GBF1: variants seen among roughly 807,000 people sequenced by gnomAD.
The protein encoded by GBF1 is golgi brefeldin A resistant guanine nucleotide exchange factor 1.
Under a neutral mutation model 210.5 loss-of-function variants are expected in GBF1, and 114 were observed. That is an observed-to-expected ratio of 0.54 (90% CI 0.47 to 0.63). The LOEUF (loss-of-function observed/expected upper bound fraction) is 0.63. Ranked by LOEUF, GBF1 falls within the 30% of genes least tolerant of loss-of-function variation. The probability of loss-of-function intolerance (pLI) is 0.00; values close to 1 mark genes in which losing one functional copy is unlikely to be tolerated. For missense variants in GBF1, 1,851 were observed against 2,357.7 expected, an observed-to-expected ratio of 0.79 and a Z score of 4.45; for synonymous variants, 850 against 889.2, an observed-to-expected ratio of 0.96 and a Z score of 0.78.
At chr10:102,289,038 G>GGTTA (rs2076220279) in intron 3 of GBF1, among the ~76,000 whole-genome samples, 1 of 151,364 alleles carries the variant, frequency 6.6e-6, no homozygotes, top group Admixed American at 6.6e-5. Context: ...AGGAAGCAGA[G>GGTTA]GTTACAGTGA....
intron 3 of GBF1, among the ~76,000 whole-genome samples, chr10:102,275,823 A>G (rs899233116): frequency 6.6e-6 from 1 of 152,250 alleles, no homozygotes; most frequent in South Asian, 2.1e-4. Context: ...GGACAGAAGC[A>G]TTGTAGGGAA....
In GBF1 at chr10:102,379,502, A is replaced by G; in HGVS notation, c.4646-19A>G. 1 of 1,613,978 alleles carries G rather than the reference A, an allele frequency of 6.2e-7. No individual in the cohort carries two copies. The highest frequency in any genetic ancestry group is 8.5e-7 in the Non-Finnish European group (1 of 1,179,978). The stretch of plus-strand genomic sequence containing the variant: ...GGATCAAGATGCCTGAAGGATCCTG[A>G]CCCTGCTCTTGCTCTCAGGTATTGC... On this transcript the variant is annotated intron_variant, in intron 34 of 39. Transcript: ENST00000369983.
intron 3 of GBF1, among the ~76,000 whole-genome samples, chr10:102,326,546 C>T (rs1027959007): frequency 2.0e-5 from 3 of 152,084 alleles, no homozygotes; most frequent in Admixed American, 2.0e-4. Flanking sequence ...GTATAATTAA[C>T]ATACAATAAA....
intron 3 of GBF1, among the ~76,000 whole-genome samples, chr10:102,327,028 C>T (rs1451293021): frequency 6.6e-6 from 1 of 152,118 alleles, no homozygotes; most frequent in Non-Finnish European, 1.5e-5. Context: ...TTAAATGTAC[C>T]ACGTCACAGC....
chr10:102,268,809 A>T, intron 3 of GBF1, among the ~76,000 whole-genome samples: 1 of 152,150 alleles, frequency 6.6e-6, no homozygotes, highest in East Asian at 1.9e-4. Context: ...TTCTGAAGTG[A>T]TAGTGGATAT....
At chr10:102,323,259 AAAG>A (rs905210599) in intron 3 of GBF1, among the ~76,000 whole-genome samples, 135 of 151,092 alleles carry the variant, frequency 8.9e-4, no homozygotes, top group South Asian at 5.9e-3. Context: ...AAAAAAAAAA[AAAG>A]AAGAAGAAGA....
At chr10:102,315,029 C>T (rs1036194825) in intron 3 of GBF1, among the ~76,000 whole-genome samples, 1 of 152,232 alleles carries the variant, frequency 6.6e-6, no homozygotes, top group African/African-American at 2.4e-5. Context: ...CCAACAGCCA[C>T]TGGTCACATA....
At position 102,362,578 on chromosome 10, in the gene GBF1, T is replaced by C; in HGVS notation, c.1790T>C (p.Val597Ala). ...DSTEAHCQAK[V>A]LNSLTQQEKK... ...ACCGAGGCCCACTGCCAGGCTAAAG[T>C]CCTCAACAGCCTCACCCAGCAAGAG... The change falls in exon 15 of 40, where the codon GTC (valine) becomes GCC (alanine). Residue 597 changes from valine to alanine, a missense_variant. This residue lies in a region of GBF1 where 804 missense variants were observed against 958.6 expected (regional missense o/e 0.84). Transcript: ENST00000369983. 6.2e-7 allele frequency: 1 copy of C among 1,614,090 alleles called. No homozygotes were observed. The highest frequency in any genetic ancestry group is 8.5e-7 in the Non-Finnish European group (1 of 1,179,974).
At chr10:102,323,921 T>G (rs1269823054) in intron 3 of GBF1, among the ~76,000 whole-genome samples, 2 of 152,126 alleles carry the variant, frequency 1.3e-5, no homozygotes, top group Non-Finnish European at 2.9e-5. Flanking sequence ...TTGGCCCTGT[T>G]CTTCTGAACC....
intron 3 of GBF1, among the ~76,000 whole-genome samples, chr10:102,262,489 T>C (rs1163316915): frequency 2.6e-5 from 4 of 152,220 alleles, no homozygotes; most frequent in African/African-American, 9.7e-5. Context: ...CAAGTTAATA[T>C]AATTGGAAAC....
At chr10:102,241,080 C>T (rs149691625), upstream of GBF1, among the ~76,000 whole-genome samples, 598 of 152,264 alleles carry the variant, frequency 3.9e-3, 3 homozygotes, top group Admixed American at 9.9e-3. This position sits in a 1 kb window ranked among gnomAD's most constrained non-coding sequence, Gnocchi z 6.7. Flanking sequence ...CTCGCGAAGC[C>T]CCTATCCTGG....
At chr10:102,337,013 T>C (rs901052608) in intron 3 of GBF1, among the ~76,000 whole-genome samples, 1 of 152,138 alleles carries the variant, frequency 6.6e-6, no homozygotes, top group Non-Finnish European at 1.5e-5. Flanking sequence ...TGTATGTTGA[T>C]TCTAGTAATA....
intron 8 of GBF1, among the ~76,000 whole-genome samples, chr10:102,354,196 T>C (rs775919881): frequency 3.3e-5 from 5 of 152,214 alleles, no homozygotes; most frequent in Non-Finnish European, 7.3e-5. Context: ...CTGATGAGGA[T>C]TCCGCTTGCA....
At chr10:102,244,361 T>A (rs1326779367), upstream of GBF1, among the ~76,000 whole-genome samples, 1 of 152,106 alleles carries the variant, frequency 6.6e-6, no homozygotes, top group Admixed American at 6.5e-5. Context: ...ACACTGGGGC[T>A]CTAGTGTCCC....
At chr10:102,332,079 C>T (rs570821809) in intron 3 of GBF1, among the ~76,000 whole-genome samples, 176 of 151,900 alleles carry the variant, frequency 1.2e-3, no homozygotes, top group African/African-American at 3.6e-3. Flanking sequence ...AGGCTGGTTT[C>T]GAACTCCTGA....
chr10:102,316,084 C>CTTTTT (rs912378779), intron 3 of GBF1, among the ~76,000 whole-genome samples: 1 of 133,110 alleles, frequency 7.5e-6, no homozygotes, highest in Non-Finnish European at 1.6e-5. Context: ...CTTCCCTCCA[C>CTTTTT]TTTTTTTTTT....
At chr10:102,328,677 T>C (rs1005748165) in intron 3 of GBF1, among the ~76,000 whole-genome samples, 2 of 152,190 alleles carry the variant, frequency 1.3e-5, no homozygotes, top group African/African-American at 4.8e-5. Context: ...AGTCCTGTTA[T>C]TGAGACTGGG....
chr10:102,369,415 G>A (rs780955764), intron 24 of GBF1, 28 bp downstream of exon 24: 104 of 1,557,398 alleles, frequency 6.7e-5, no homozygotes, highest in Admixed American at 8.4e-5. Flanking sequence ...ACTAGTGAGC[G>A]ATAACAAGGC....
Position 102,377,056 on chromosome 10 carries a change from C to T in GBF1, c.4410C>T (p.Ala1470=), listed in dbSNP as rs764341771. 26 of 1,614,036 alleles carry T rather than the reference C, an allele frequency of 1.6e-5. No homozygotes were observed. In the South Asian group the frequency reaches 1.8e-4, roughly 11 times the overall value. The change falls in exon 33 of 40, where the codon GCC becomes GCT. Residue 1470 remains alanine, a synonymous_variant. Transcript: ENST00000369983. ...LRRPRTSSQH[A]SRGGQSDDDE... Reference sequence around the variant, plus strand: ...GGCCTCGAACCTCCAGCCAACATGCCTCTCGGGGCGGGCAGAGTGATGATG... The same window carrying T: ...GGCCTCGAACCTCCAGCCAACATGCTTCTCGGGGCGGGCAGAGTGATGATG...
Sources: gnomAD v4.1 joint callset for allele counts (sites outside exome capture counted in the v4.1 genomes callset) on GRCh38, gnomAD v4.1.1 for gene constraint, gnomAD v4.1.1 regional missense constraint, Gnocchi (gnomAD v3.1) non-coding constraint, MANE v1.5 for transcripts, NCBI Gene and HGNC (gene_info 2026-07-23, HGNC 2026-07-21) for gene names.